Variants in CMIP observed in about 807,000 individuals in gnomAD.
CMIP encodes the protein c-Maf inducing protein.
A neutral mutation model predicts 97.3 loss-of-function variants in CMIP; 13 were observed. That is an observed-to-expected ratio of 0.13 (90% CI 0.09 to 0.21). The LOEUF is 0.21. CMIP is among the 10% of genes least tolerant of loss of function. The pLI is 1.00. For synonymous variants in CMIP, 538 were observed against 436.3 expected (o/e 1.23, Z -2.91); for missense variants, 847 against 1,024.9 (o/e 0.83, Z 2.37).
chr16:81,552,768 C>T (rs188912154), intron 1 of CMIP, among the ~76,000 whole-genome samples: 1 of 152,328 alleles, frequency 6.6e-6, no homozygotes, highest in African/African-American at 2.4e-5. Flanking sequence ...TTGTGCCTAC[C>T]ACCAGGGGCC....
intron 1 of CMIP, among the ~76,000 whole-genome samples, chr16:81,515,251 G>C (rs1237339113): frequency 6.6e-6 from 1 of 152,226 alleles, no homozygotes; most frequent in East Asian, 1.9e-4. Context: ...AGGTGAGGCT[G>C]AACCCTCTCA....
At chr16:81,448,490 G>A (rs1033179879) in intron 1 of CMIP, among the ~76,000 whole-genome samples, 3 of 152,176 alleles carry the variant, frequency 2.0e-5, no homozygotes, top group Non-Finnish European at 4.4e-5. Flanking sequence ...TTTAGTCTGG[G>A]GTCCAAGGGA....
chr16:81,584,805 C>G (rs2091353761), intron 1 of CMIP, among the ~76,000 whole-genome samples: 1 of 152,180 alleles, frequency 6.6e-6, no homozygotes, highest in Non-Finnish European at 1.5e-5. Context: ...CTCCCTCTGT[C>G]CAGTAAAGGA....
rs79519064 is a variant in CMIP, at chr16:81,467,243, G to A, written c.300+21702G>A. ...CCTGGGCACATCCCGCAACCAGTCT[G>A]AGTGCCCCAGCCTGGTGTTCCCATC... On this transcript the variant is annotated intron_variant, in intron 1 of 20. Transcript: ENST00000537098. Among the ~76,000 whole-genome samples, 3,452 of 152,322 alleles carry A rather than the reference G, an allele frequency of 0.023. 219 individuals are homozygous for A. In the East Asian group the frequency reaches 0.28, roughly 12 times the overall value.
chr16:81,577,024 A>G (rs546518839), intron 1 of CMIP, among the ~76,000 whole-genome samples: 88 of 145,202 alleles, frequency 6.1e-4, no homozygotes, highest in Middle Eastern at 7.1e-3. Flanking sequence ...TATTATCACT[A>G]TCACCATCAC....
chr16:81,498,941 A>G (rs2089545116), intron 1 of CMIP, among the ~76,000 whole-genome samples: 1 of 152,234 alleles, frequency 6.6e-6, no homozygotes, highest in African/African-American at 2.4e-5. Flanking sequence ...ACACACATGC[A>G]TACCATTTAG....
rs375905756 is a variant in CMIP, at chr16:81,664,319, C to G, written c.795C>G (p.Pro265=). The G allele has an allele frequency of 6.3e-7, 1 of 1,599,408 alleles. No homozygotes were observed. Among genetic ancestry groups the G allele is most frequent in the Admixed American group, 1.7e-5 (1 of 58,094 alleles). ...TGGTGGTCATCGAGGTGTTCACCCC[C>G]GTGGTGCAGCGAATCCTCAAGCATA... ...RSMVVIEVFT[P]VVQRILKHNM... Residue 265 remains proline (P), a synonymous_variant, in exon 7 of 21, where the codon CCC becomes CCG. Transcript: ENST00000537098.
At chr16:81,641,273 C>G (rs187955113) in intron 3 of CMIP, among the ~76,000 whole-genome samples, 14 of 152,198 alleles carry the variant, frequency 9.2e-5, no homozygotes, top group Admixed American at 8.5e-4. Context: ...TTCATTCTCC[C>G]CACTGCCTGT....
chr16:81,500,028 C>T (rs1209996342), intron 1 of CMIP, among the ~76,000 whole-genome samples: 2 of 152,196 alleles, frequency 1.3e-5, no homozygotes, highest in African/African-American at 4.8e-5. Context: ...TCTCCTGATG[C>T]AGAACATACC....
At position 81,669,815 on chromosome 16, in the gene CMIP, C is replaced by A. The variant is rs530298466; in HGVS notation, c.826-327C>A. 5.3e-5 allele frequency among the ~76,000 whole-genome samples: 8 copies of A among 152,332 alleles called. No individual in the cohort carries two copies. In the South Asian group the frequency reaches 1.7e-3, roughly 32 times the overall value. On this transcript the variant is annotated intron_variant, in intron 7 of 20. Transcript: ENST00000537098. The stretch of plus-strand genomic sequence containing the variant: ...CACTCCACATTCCCCTCGGAAGCAC[C>A]CTCTCTTGTCCCCCCAGCCTTTCTG...
At chr16:81,707,187 A>G in intron 20 of CMIP, 103 bp downstream of exon 20, 1 of 912,850 alleles carries the variant, frequency 1.1e-6, no homozygotes, top group Non-Finnish European at 1.8e-6. Context: ...GTAAAGGATG[A>G]TGACATCTAC....
At chr16:81,692,565 T>A (rs894591799) in intron 11 of CMIP, among the ~76,000 whole-genome samples, 2 of 152,240 alleles carry the variant, frequency 1.3e-5, no homozygotes, top group Non-Finnish European at 2.9e-5. Flanking sequence ...TAGGAAATGC[T>A]GCCTCTGTAA....
At chr16:81,683,035 C>G (rs746622066) in intron 10 of CMIP, among the ~76,000 whole-genome samples, 6 of 152,196 alleles carry the variant, frequency 3.9e-5, no homozygotes, top group Non-Finnish European at 8.8e-5. Flanking sequence ...ATGATTCACA[C>G]CTTCATTTAT....
chr16:81,676,545 C>G (rs1196145680), intron 9 of CMIP, among the ~76,000 whole-genome samples: 9 of 152,144 alleles, frequency 5.9e-5, no homozygotes, highest in African/African-American at 1.9e-4. Flanking sequence ...ACTTGGGGAG[C>G]AAATCAGATC....
At chr16:81,450,374 A>G (rs1381400394) in intron 1 of CMIP, among the ~76,000 whole-genome samples, 3 of 152,152 alleles carry the variant, frequency 2.0e-5, no homozygotes, top group Non-Finnish European at 4.4e-5. Context: ...TGAAGGGTGC[A>G]GTTTCCTGGC....
intron 1 of CMIP, among the ~76,000 whole-genome samples, chr16:81,503,438 C>G (rs928534547): frequency 2.0e-5 from 3 of 152,134 alleles, no homozygotes; most frequent in Non-Finnish European, 4.4e-5. Flanking sequence ...TCTGTGCACC[C>G]AGGCTGGAGT....
At chr16:81,708,184 G>A (rs917841110) in intron 20 of CMIP, among the ~76,000 whole-genome samples, 5 of 152,258 alleles carry the variant, frequency 3.3e-5, no homozygotes, top group Admixed American at 1.3e-4. Flanking sequence ...GGTAGAGAGC[G>A]AGGTCCAAGA....
intron 1 of CMIP, among the ~76,000 whole-genome samples, chr16:81,553,788 G>T (rs60797879): frequency 0.25 from 37,901 of 152,052 alleles, 5,377 homozygotes; most frequent in African/African-American, 0.39. Flanking sequence ...GCAGGAAAAA[G>T]CAAAGAAGGA....
rs572613783 is a variant in CMIP, at chr16:81,492,434, G to A, written c.300+46893G>A. ...CCTCTGTCCGTGGCCACTCAGCCAT[G>A]AGCACTTCTGTTAGCGATGAAGATG... is the stretch of plus-strand genomic sequence containing the variant. On this transcript the variant is annotated intron_variant, in intron 1 of 20. Transcript: ENST00000537098. Among the ~76,000 whole-genome samples the A allele has an allele frequency of 7.9e-5, 12 of 152,320 alleles. 2 individuals are homozygous for A. Among genetic ancestry groups the A allele is most frequent in the African/African-American group, 2.9e-4 (12 of 41,586 alleles).
Sources: gnomAD v4.1 joint callset for allele counts (sites outside exome capture counted in the v4.1 genomes callset) on GRCh38, gnomAD v4.1.1 for gene constraint, MANE v1.5 for transcripts, NCBI Gene and HGNC (gene_info 2026-07-23, HGNC 2026-07-21) for gene names.